REEP3: variants seen among roughly 807,000 people sequenced by gnomAD.
REEP3 encodes receptor expression-enhancing protein 3.
Under a neutral mutation model 41.3 loss-of-function variants are expected in REEP3, and 20 were observed. The ratio of observed to expected loss-of-function variants is 0.48; its 90% CI spans 0.34 to 0.70. REEP3 has a LOEUF of 0.70. Ranked by LOEUF, REEP3 falls within the 30% of genes least tolerant of loss-of-function variation. The pLI is 0.01. For missense variants in REEP3, 271 were observed against 308.8 expected (o/e 0.88, Z 0.92); for synonymous variants, 104 against 101.8 (o/e 1.02, Z -0.13).
rs71025187 is a variant in REEP3, at chr10:63,533,710, C to CTTTTTTTTTTTTTTTTTT, written c.32+12148_32+12149insTTTTTTTTTTTTTTTTTT. On this transcript the variant is annotated intron_variant, in intron 1 of 7. Transcript: ENST00000373758. ...GAAAGAGCCTTGGAAGTATGTAAAT[C>CTTTTTTTTTTTTTTTTTT]TTTTTTTTTTTTTTTGAGACGGAGT... is the stretch of plus-strand genomic sequence containing the variant. Among the ~76,000 whole-genome samples, 216 of 101,114 alleles carry CTTTTTTTTTTTTTTTTTT rather than the reference C, an allele frequency of 2.1e-3. 29 individuals carry two copies. Among genetic ancestry groups the CTTTTTTTTTTTTTTTTTT allele is most frequent in the African/African-American group, 5.8e-3 (176 of 30,270 alleles). 66.3% of individuals were successfully genotyped at this position (101,114 alleles called of 152,430 possible). A position where few individuals can be genotyped will look rare whatever the true frequency, so the allele number is the denominator to read the frequency against.
chr10:63,616,351 T>G (rs1243641654), intron 6 of REEP3, among the ~76,000 whole-genome samples: 1 of 152,228 alleles, frequency 6.6e-6, no homozygotes, highest in Non-Finnish European at 1.5e-5. Flanking sequence ...ATAATGCCCA[T>G]TACCGTCTGT....
Position 63,620,839 on chromosome 10 carries a change from A to G in REEP3, c.738A>G (p.Lys246=). 1.2e-6 allele frequency: 2 copies of G among 1,608,806 alleles called. No individual in the cohort carries two copies. The highest frequency in any genetic ancestry group is 1.7e-6 in the Non-Finnish European group (2 of 1,176,582). ...KEVRYGSLKY[K]VKKRPQVYF is the part of the protein sequence containing the mutation. ...TGCGGTACGGGTCACTAAAATACAAAGTGAAGAAACGACCACAAGTGTATT... is the reference window on the plus strand; with the variant it reads ...TGCGGTACGGGTCACTAAAATACAAGGTGAAGAAACGACCACAAGTGTATT... The change falls in exon 8 of 8, where the codon AAA becomes AAG. Residue 246 remains lysine, a synonymous_variant. Transcript: ENST00000373758.
chr10:63,618,081 C>A (rs1004035691), intron 6 of REEP3, among the ~76,000 whole-genome samples: 13 of 151,770 alleles, frequency 8.6e-5, no homozygotes, highest in African/African-American at 3.1e-4. Context: ...CCACCTTGGC[C>A]TCCCGAAGTG....
intron 1 of REEP3, among the ~76,000 whole-genome samples, chr10:63,557,224 A>C (rs932425821): frequency 1.3e-5 from 2 of 152,180 alleles, no homozygotes; most frequent in African/African-American, 4.8e-5. Flanking sequence ...ACCTCACTGA[A>C]TGTGGAGCTG....
intron 1 of REEP3, among the ~76,000 whole-genome samples, chr10:63,556,040 G>T (rs7919685): frequency 0.47 from 71,682 of 151,768 alleles, 17,194 homozygotes; most frequent in Middle Eastern, 0.55. Context: ...TTTCCTCTGG[G>T]GGAAAAATGC....
At chr10:63,614,817 T>C (rs1242346122) in intron 6 of REEP3, among the ~76,000 whole-genome samples, 2 of 152,216 alleles carry the variant, frequency 1.3e-5, no homozygotes, top group African/African-American at 4.8e-5. Context: ...GAATAATCCT[T>C]TTGGATGACA....
chr10:63,555,951 C>T (rs1955674435), intron 1 of REEP3, among the ~76,000 whole-genome samples: 1 of 152,020 alleles, frequency 6.6e-6, no homozygotes, highest in African/African-American at 2.4e-5. Flanking sequence ...TCAGAGGATT[C>T]TACAATCAGT....
chr10:63,537,611 T>C (rs1233140675), intron 1 of REEP3, among the ~76,000 whole-genome samples: 1 of 152,166 alleles, frequency 6.6e-6, no homozygotes, highest in African/African-American at 2.4e-5. Flanking sequence ...GACCAAGATA[T>C]CTACAGTAAC....
At chr10:63,522,130 G>A (rs1252634013) in intron 1 of REEP3, among the ~76,000 whole-genome samples, 3 of 152,096 alleles carry the variant, frequency 2.0e-5, no homozygotes, top group Non-Finnish European at 4.4e-5. Context: ...GTGGTAGGAG[G>A]AGAGATTTGT....
At chr10:63,606,294 C>CTT (rs377072563) in intron 5 of REEP3, among the ~76,000 whole-genome samples, 2 of 59,766 alleles carry the variant, frequency 3.3e-5, no homozygotes, top group Non-Finnish European at 7.6e-5. Flanking sequence ...TCTTTCCTTT[C>CTT]TTTCTTTCTC....
chr10:63,531,682 T>C (rs1320100910), intron 1 of REEP3, among the ~76,000 whole-genome samples: 1 of 152,228 alleles, frequency 6.6e-6, no homozygotes, highest in Non-Finnish European at 1.5e-5. Flanking sequence ...AAATAGAACA[T>C]TTTTATCATC....
At chr10:63,596,342 A>G (rs1417502575) in intron 3 of REEP3, among the ~76,000 whole-genome samples, 1 of 152,080 alleles carries the variant, frequency 6.6e-6, no homozygotes, top group Non-Finnish European at 1.5e-5. Context: ...CGAAGTTTCC[A>G]AGTTCTCTTT....
chr10:63,594,714 C>T (rs2133405326), intron 2 of REEP3, 64 bp from the exon 3 acceptor site: 3 of 944,122 alleles, frequency 3.2e-6, no homozygotes, highest in Non-Finnish European at 5.2e-6. Context: ...TACATACATA[C>T]ATATTATTCA....
At chr10:63,616,298 C>T (rs931834540) in intron 6 of REEP3, among the ~76,000 whole-genome samples, 1 of 152,184 alleles carries the variant, frequency 6.6e-6, no homozygotes, top group South Asian at 2.1e-4. Context: ...ACTGTATGCC[C>T]TCTGGCACCT....
intron 1 of REEP3, among the ~76,000 whole-genome samples, chr10:63,524,695 C>T (rs1265345011): frequency 6.6e-6 from 1 of 152,152 alleles, no homozygotes; most frequent in Non-Finnish European, 1.5e-5. Flanking sequence ...ATCCGCCCAC[C>T]TTCCTCGCTA....
intron 6 of REEP3, among the ~76,000 whole-genome samples, chr10:63,618,200 G>A (rs1322249227): frequency 2.0e-5 from 3 of 149,146 alleles, no homozygotes; most frequent in Non-Finnish European, 4.5e-5. Flanking sequence ...TTTATTAAAG[G>A]AGAATTTATA....
chr10:63,559,616 G>T (rs778021548), intron 1 of REEP3, among the ~76,000 whole-genome samples: 3 of 152,086 alleles, frequency 2.0e-5, no homozygotes, highest in African/African-American at 7.2e-5. Context: ...GAATGCAGCC[G>T]ACAGACTTAC....
chr10:63,566,280 A>G (rs987756875), intron 1 of REEP3, 58 bp from the exon 2 acceptor site: 8 of 926,180 alleles, frequency 8.6e-6, no homozygotes, highest in Non-Finnish European at 1.2e-5. Flanking sequence ...TTAAATTTTT[A>G]TGAGCTGTTT....
chr10:63,596,216 C>T (rs1213889686), intron 3 of REEP3, among the ~76,000 whole-genome samples: 1 of 152,096 alleles, frequency 6.6e-6, no homozygotes, highest in Non-Finnish European at 1.5e-5. Flanking sequence ...AAAAATTTCC[C>T]TTCCTGTGCC....
Sources: allele counts gnomAD v4.1 joint callset (sites outside exome capture counted in the v4.1 genomes callset), GRCh38; gene constraint gnomAD v4.1.1; transcripts MANE v1.5; gene names NCBI Gene and HGNC (gene_info 2026-07-23, HGNC 2026-07-21).